Variants in IL1R1 observed in about 807,000 individuals in gnomAD.
IL1R1 encodes the protein interleukin-1 receptor type 1.
Under a neutral mutation model 50.2 loss-of-function variants are expected in IL1R1, and 22 were observed. The observed-to-expected ratio is 0.44, with a 90% confidence interval of 0.31 to 0.63. IL1R1 has a LOEUF of 0.63. Among genes scored for constraint, IL1R1 ranks in the 20% least tolerant of loss-of-function variants. The probability of loss-of-function intolerance (pLI) is 0.07; values close to 1 mark genes in which losing one functional copy is unlikely to be tolerated. For synonymous variants in IL1R1, 251 were observed against 236.7 expected (o/e 1.06, Z -0.55); for missense variants, 509 against 676.2 (o/e 0.75, Z 2.74).
chr2:102,166,306 A>T, intron 6 of IL1R1, 25 bp downstream of exon 6: 1 of 1,579,320 alleles, frequency 6.3e-7, no homozygotes, highest in Non-Finnish European at 8.7e-7. Context: ...CAGCCCTAAA[A>T]GGTTTAGATC....
chr2:102,159,380 T>C (rs890975604), intron 3 of IL1R1, among the ~76,000 whole-genome samples: 1 of 152,192 alleles, frequency 6.6e-6, no homozygotes, highest in African/African-American at 2.4e-5. Flanking sequence ...GGAGCATACC[T>C]TCAACATTAA....
chr2:102,107,600 C>A (rs1054941160), intron 1 of IL1R1, among the ~76,000 whole-genome samples: 1 of 151,814 alleles, frequency 6.6e-6, no homozygotes, highest in African/African-American at 2.4e-5. Context: ...ATGTAACAAA[C>A]CTGCATGTTG....
Position 102,142,915 on chromosome 2 carries a change from G to T in IL1R1, c.-189G>T, listed in dbSNP as rs1682789798. 1 of 151,680 alleles carries T rather than the reference G, an allele frequency of 6.6e-6. No homozygotes were observed. Among genetic ancestry groups the T allele is most frequent in the Non-Finnish European group, 1.5e-5 (1 of 67,916 alleles). The allele number at this position is 151,680 out of a possible 1,614,324, so 9.4% of individuals were successfully genotyped here. ...AGGAATGTGACAATCGCGCGCCCGCGCACCGAAGCACTCCTCGCTCGGCTC... is the reference window on the plus strand; with the variant it reads ...AGGAATGTGACAATCGCGCGCCCGCTCACCGAAGCACTCCTCGCTCGGCTC... On this transcript the variant is annotated 5_prime_UTR_variant, in exon 1 of 12. Transcript: ENST00000410023.
At chr2:102,114,510 T>C (rs992329121) in intron 1 of IL1R1, among the ~76,000 whole-genome samples, 2 of 148,536 alleles carry the variant, frequency 1.3e-5, no homozygotes, top group Non-Finnish European at 3.0e-5. Flanking sequence ...CCTCTTTGAA[T>C]AAGTTTCCCT....
chr2:102,089,777 C>T (rs72996508), intron 1 of IL1R1, among the ~76,000 whole-genome samples: 34 of 150,712 alleles, frequency 2.3e-4, no homozygotes, highest in South Asian at 1.7e-3. Context: ...GCTATTTTGT[C>T]TGTGGTATTC....
At chr2:102,109,113 G>T (rs1398557008) in intron 1 of IL1R1, among the ~76,000 whole-genome samples, 1 of 152,086 alleles carries the variant, frequency 6.6e-6, no homozygotes, top group African/African-American at 2.4e-5. Flanking sequence ...AGAGTGATTT[G>T]CTAGGGTTAT....
chr2:102,086,164 C>T (rs906869376), intron 1 of IL1R1, among the ~76,000 whole-genome samples: 3 of 152,100 alleles, frequency 2.0e-5, no homozygotes, highest in Non-Finnish European at 2.9e-5. Context: ...AACAATCATG[C>T]CATCTGCAAA....
intron 3 of IL1R1, among the ~76,000 whole-genome samples, chr2:102,161,903 T>C (rs922785006): frequency 6.6e-6 from 1 of 152,038 alleles, no homozygotes; most frequent in African/African-American, 2.4e-5. Flanking sequence ...AGTTTCACCA[T>C]GTTGGCCAGG....
chr2:102,118,917 C>A (rs1681241539), intron 1 of IL1R1, among the ~76,000 whole-genome samples: 1 of 146,338 alleles, frequency 6.8e-6, no homozygotes, highest in Non-Finnish European at 1.5e-5. Flanking sequence ...ACTCGGGAGG[C>A]TGAGGCAGGA....
chr2:102,162,402 A>T (rs3917268), intron 3 of IL1R1, among the ~76,000 whole-genome samples: 7,002 of 152,206 alleles, frequency 0.046, 186 homozygotes, highest in Middle Eastern at 0.14. Flanking sequence ...TTTTAGTGTG[A>T]TTATTCATAT....
At chr2:102,121,736 A>T (rs942763369) in intron 1 of IL1R1, among the ~76,000 whole-genome samples, 1 of 152,214 alleles carries the variant, frequency 6.6e-6, no homozygotes, top group African/African-American at 2.4e-5. Context: ...ACCACATTTT[A>T]ACATTTCTGA....
chr2:102,095,423 G>A (rs1006482042), intron 1 of IL1R1, among the ~76,000 whole-genome samples: 2 of 152,138 alleles, frequency 1.3e-5, no homozygotes, highest in Non-Finnish European at 2.9e-5. Context: ...GAAGATGAGA[G>A]GACATTGATT....
At chr2:102,141,753 T>A (rs1042619456), upstream of IL1R1, 1 of 152,174 alleles carries the variant, frequency 6.6e-6, no homozygotes, top group Non-Finnish European at 1.5e-5. Flanking sequence ...AAGGAAGCTA[T>A]CATCATTTAT....
chr2:102,074,061 G>C (rs1219704771), intron 1 of IL1R1, among the ~76,000 whole-genome samples: 1 of 152,166 alleles, frequency 6.6e-6, no homozygotes, highest in South Asian at 2.1e-4. Flanking sequence ...TGAGCAGCAC[G>C]TGGTCTCTAG....
chr2:102,083,572 T>G (rs1441747775), intron 1 of IL1R1, among the ~76,000 whole-genome samples: 1 of 152,172 alleles, frequency 6.6e-6, no homozygotes. Context: ...ATGACACACT[T>G]AGGAGTTTTC....
intron 1 of IL1R1, among the ~76,000 whole-genome samples, chr2:102,094,106 A>C (rs925913312): frequency 6.6e-6 from 1 of 152,256 alleles, no homozygotes; most frequent in Non-Finnish European, 1.5e-5. Context: ...ATTCAATTTC[A>C]TCATGCAAGT....
At chr2:102,146,789 G>A (rs756854445) in intron 1 of IL1R1, among the ~76,000 whole-genome samples, 2 of 152,220 alleles carry the variant, frequency 1.3e-5, no homozygotes, top group Non-Finnish European at 2.9e-5. Flanking sequence ...AGGTCATGCA[G>A]GACAAGTCTT....
chr2:102,139,146 G>T (rs1362125971), upstream of IL1R1, among the ~76,000 whole-genome samples: 1 of 152,170 alleles, frequency 6.6e-6, no homozygotes, highest in African/African-American at 2.4e-5. Context: ...AGGGGTTCTG[G>T]TCCATGAGTT....
chr2:102,070,863 T>G (rs1437724152), intron 1 of IL1R1, among the ~76,000 whole-genome samples: 2 of 152,132 alleles, frequency 1.3e-5, no homozygotes, highest in Non-Finnish European at 2.9e-5. Flanking sequence ...TGTCTTTATT[T>G]TCTAGGTGGG....
Sources: gnomAD v4.1 joint callset for allele counts (sites outside exome capture counted in the v4.1 genomes callset) on GRCh38, gnomAD v4.1.1 for gene constraint, MANE v1.5 for transcripts, NCBI Gene and HGNC (gene_info 2026-07-23, HGNC 2026-07-21) for gene names.